The following EED variants were observed in gnomAD, a reference collection of about 807,000 sequenced individuals.
EED encodes the protein embryonic ectoderm development.
Under a neutral mutation model 61.0 loss-of-function variants are expected in EED, and 9 were observed. The ratio of observed to expected loss-of-function variants is 0.15; its 90% CI spans 0.09 to 0.26. EED has a LOEUF of 0.26. Among genes scored for constraint, EED ranks in the 10% least tolerant of loss-of-function variants. The pLI is 1.00. For missense variants in EED, 315 were observed against 542.3 expected (o/e 0.58, Z 4.16); for synonymous variants, 187 against 174.4 (o/e 1.07, Z -0.57).
intron 2 of EED, among the ~76,000 whole-genome samples, chr11:86,251,936 G>C (rs901806713): frequency 6.6e-6 from 1 of 152,116 alleles, no homozygotes; most frequent in African/African-American, 2.4e-5. Flanking sequence ...TTCAGCCTTT[G>C]GTTGTGATAA....
chr11:86,260,091 A>G (rs1945788274), intron 6 of EED, among the ~76,000 whole-genome samples: 1 of 152,182 alleles, frequency 6.6e-6, no homozygotes, highest in Admixed American at 6.5e-5. Flanking sequence ...TCAAGGAATC[A>G]TTTTTACAGC....
Position 86,245,310 on chromosome 11 carries a change from G to A in EED, c.81G>A (p.Glu27=), listed in dbSNP as rs554137878. The A allele has an allele frequency of 2.5e-6, 4 of 1,613,476 alleles. No individual in the cohort carries two copies. Among genetic ancestry groups the A allele is most frequent in the African/African-American group, 1.3e-5 (1 of 74,976 alleles). Reference sequence around the variant, plus strand: ...AGAAGCAGAAGCTGAGCAGTGACGAGAACAGCAATCCAGACCTCTCTGGAG... The same window carrying A: ...AGAAGCAGAAGCTGAGCAGTGACGAAAACAGCAATCCAGACCTCTCTGGAG... The part of the protein sequence containing the change: ...AAKKQKLSSD[E]NSNPDLSGDE... Residue 27 remains glutamate (E), a synonymous_variant, in exon 1 of 12, where the codon GAG becomes GAA. Coordinates refer to ENST00000263360, the MANE Select transcript of EED (RefSeq NM_003797.5).
rs1593750070 is a variant in EED, at chr11:86,263,918, A to G, written c.635-254A>G. 2.1e-5 allele frequency: 9 copies of G among 425,204 alleles called. No individual in the cohort carries two copies. In the East Asian group the frequency reaches 3.6e-4, roughly 17 times the overall value. 26.3% of individuals were successfully genotyped at this position (425,204 alleles called of 1,614,324 possible). On this transcript the variant is annotated intron_variant, in intron 6 of 11. Coordinates refer to ENST00000263360, the MANE Select transcript of EED (RefSeq NM_003797.5). The stretch of plus-strand genomic sequence containing the variant: ...ACCTAAATACCTCCCATTAGGCCCC[A>G]GCTCACACCACTATTGCATTGGGGA...
At chr11:86,269,580 T>C (rs1946061805) in intron 9 of EED, among the ~76,000 whole-genome samples, 1 of 152,212 alleles carries the variant, frequency 6.6e-6, no homozygotes, top group Non-Finnish European at 1.5e-5. Flanking sequence ...ACTTGATTCA[T>C]AGGATGTTTC....
At chr11:86,260,269 C>T (rs1945792913) in intron 6 of EED, among the ~76,000 whole-genome samples, 1 of 152,088 alleles carries the variant, frequency 6.6e-6, no homozygotes, top group Admixed American at 6.5e-5. Flanking sequence ...ACTCTGTCAA[C>T]CAGGCTATAG....
chr11:86,256,861 C>T (rs1246320755), intron 5 of EED, among the ~76,000 whole-genome samples: 4 of 152,048 alleles, frequency 2.6e-5, no homozygotes, highest in Non-Finnish European at 4.4e-5. Context: ...GACCTTGTAA[C>T]GAACATAAAG....
Position 86,255,518 on chromosome 11 carries a change from A to G in EED, c.426+231A>G, listed in dbSNP as rs10898456. On this transcript the variant is annotated intron_variant, in intron 4 of 11. Transcript: ENST00000263360. ...GAAAAAGAAAAGAATCCATTGTGGG[A>G]TGGATGTGCTGGTTGGGTGCAGATG... Among the ~76,000 whole-genome samples, 44,374 of 152,052 alleles carry G rather than the reference A, an allele frequency of 0.29. 6,845 individuals are homozygous for G. The highest frequency in any genetic ancestry group is 0.36 in the Non-Finnish European group (24,618 of 67,966).
intron 5 of EED, 102 bp from the exon 6 acceptor site, chr11:86,257,413 C>A: frequency 1.3e-6 from 1 of 756,812 alleles, no homozygotes; most frequent in Non-Finnish European, 1.9e-6. Context: ...GGTTGAGAAC[C>A]ACTACTTTAA....
At chr11:86,280,063 T>C (rs1946305455), downstream of EED, among the ~76,000 whole-genome samples, 1 of 152,160 alleles carries the variant, frequency 6.6e-6, no homozygotes, top group Non-Finnish European at 1.5e-5. Flanking sequence ...TAGAAATGTA[T>C]TATTCACTAC....
chr11:86,264,584 AAAATT>A (rs1022134528), intron 7 of EED: 4 of 202,418 alleles, frequency 2.0e-5, no homozygotes, highest in African/African-American at 4.6e-5. Context: ...ATTAAAGAAA[AAAATT>A]AAACTATGTA....
In EED at chr11:86,255,264, T is replaced by C. The variant is rs779652153; in HGVS notation, c.403T>C (p.Leu135=). Residue 135 remains leucine, a synonymous_variant, in exon 4 of 12, where the codon TTG becomes CTG. Coordinates refer to ENST00000263360, the MANE Select transcript of EED (RefSeq NM_003797.5). The part of the protein sequence containing the change: ...ECHSQGEIRL[L]QSYVDADADE... Reference sequence around the variant, plus strand: ...TCATTCACAAGGAGAAATCCGGTTGTTGCAATCTTACGTGGATGCTGATGT... The same window carrying C: ...TCATTCACAAGGAGAAATCCGGTTGCTGCAATCTTACGTGGATGCTGATGT... 34 of 1,610,784 alleles carry C rather than the reference T, an allele frequency of 2.1e-5. No homozygotes were observed. The South Asian group carries it at 3.6e-4, about 17-fold the overall frequency.
intron 3 of EED, 124 bp downstream of exon 3, chr11:86,252,364 T>G (rs955259916): frequency 1.6e-6 from 1 of 611,414 alleles, no homozygotes; most frequent in African/African-American, 1.8e-5. Flanking sequence ...GATTCTTTCA[T>G]GTAAGAGTGA....
In EED at chr11:86,270,835, G is replaced by A. The variant is rs543881564; in HGVS notation, c.966+2274G>A. On this transcript the variant is annotated intron_variant, in intron 9 of 11. Transcript: ENST00000263360. Reference sequence around the variant, plus strand: ...TCAGAAATTGTTTGGCTGTACTTACGTGGGGCTGTTTTTGATTTTCCTGTT... The same window carrying A: ...TCAGAAATTGTTTGGCTGTACTTACATGGGGCTGTTTTTGATTTTCCTGTT... Among the ~76,000 whole-genome samples, 138 of 152,240 alleles carry A rather than the reference G, an allele frequency of 9.1e-4. 5 individuals carry two copies. In the South Asian group the frequency reaches 0.027, roughly 30 times the overall value.
At chr11:86,272,177 C>T (rs1391641794) in intron 9 of EED, among the ~76,000 whole-genome samples, 2 of 145,648 alleles carry the variant, frequency 1.4e-5, no homozygotes, top group Non-Finnish European at 3.0e-5. Context: ...CCTGCCTTAG[C>T]CTCCTGAGTA....
chr11:86,253,704 C>T (rs554390795), intron 3 of EED, among the ~76,000 whole-genome samples: 3 of 152,160 alleles, frequency 2.0e-5, no homozygotes, highest in Admixed American at 6.5e-5. Context: ...GTCTTCAGTA[C>T]TATTATAAAA....
intron 7 of EED, chr11:86,265,562 T>G (rs1021527241): frequency 7.2e-5 from 11 of 152,304 alleles, no homozygotes; most frequent in Admixed American, 5.9e-4. Flanking sequence ...TAAAATCTGT[T>G]TTTTATTAGA....
chr11:86,281,115 T>C (rs192808084), downstream of EED, among the ~76,000 whole-genome samples: 21 of 152,360 alleles, frequency 1.4e-4, no homozygotes, highest in East Asian at 4.0e-3. Flanking sequence ...ATCAGGGATA[T>C]TGTTTCTGCT....
intron 9 of EED, among the ~76,000 whole-genome samples, chr11:86,271,832 A>T (rs908712036): frequency 6.6e-6 from 1 of 151,248 alleles, no homozygotes; most frequent in Non-Finnish European, 1.5e-5. Context: ...CCTGGAATAC[A>T]TTCCTACTTG....
the EED span, chr11:86,284,446 C>T: frequency 6.6e-6 from 1 of 152,308 alleles, no homozygotes; most frequent in East Asian, 1.9e-4. Flanking sequence ...GCACCTTGGA[C>T]AGTGAGGGCT....
Sources: allele counts gnomAD v4.1 joint callset (sites outside exome capture counted in the v4.1 genomes callset), GRCh38; gene constraint gnomAD v4.1.1; transcripts MANE v1.5; gene names NCBI Gene and HGNC (gene_info 2026-07-23, HGNC 2026-07-21).